Variants in CDH12 observed in about 807,000 individuals in gnomAD.
CDH12 encodes cadherin 12.
In CDH12, 41 loss-of-function variants were observed where a neutral mutation model predicts 74.1. The observed-to-expected ratio is 0.55, with a 90% CI of 0.43 to 0.72. CDH12 has a LOEUF of 0.72. Among genes scored for constraint, CDH12 ranks in the 30% least tolerant of loss-of-function variants. The pLI is 0.00. For missense variants in CDH12, 945 were observed against 977.2 expected (o/e 0.97, Z 0.44); for synonymous variants, 399 against 355.0 (o/e 1.12, Z -1.39).
At chr5:22,647,874 A>C (rs924422152) in intron 1 of CDH12, among the ~76,000 whole-genome samples, 3 of 151,902 alleles carry the variant, frequency 2.0e-5, no homozygotes, top group Non-Finnish European at 4.4e-5. Flanking sequence ...ATTTCCATGG[A>C]AAGTATCAAT....
At chr5:22,008,493 T>G (rs1737097086) in intron 5 of CDH12, among the ~76,000 whole-genome samples, 1 of 152,148 alleles carries the variant, frequency 6.6e-6, no homozygotes. Context: ...CCTCCCAAAG[T>G]GCTGGGATTA....
intron 3 of CDH12, among the ~76,000 whole-genome samples, chr5:22,254,028 A>G (rs1753224145): frequency 6.6e-6 from 1 of 151,892 alleles, no homozygotes; most frequent in Non-Finnish European, 1.5e-5. Context: ...TTTGAAAGAA[A>G]TTTGAGCTGG....
At chr5:22,416,776 T>C (rs1015354685) in intron 2 of CDH12, among the ~76,000 whole-genome samples, 2 of 152,214 alleles carry the variant, frequency 1.3e-5, no homozygotes, top group African/African-American at 2.4e-5. Flanking sequence ...ATAAGAAATT[T>C]GCAATGTTTT....
intron 2 of CDH12, among the ~76,000 whole-genome samples, chr5:22,463,000 C>T (rs762208749): frequency 2.0e-5 from 3 of 152,086 alleles, no homozygotes; most frequent in Non-Finnish European, 2.9e-5. Flanking sequence ...AAGGAGAAAA[C>T]ACCTATGGTT....
intron 4 of CDH12, among the ~76,000 whole-genome samples, chr5:22,098,671 G>T (rs140752875): frequency 1.3e-5 from 2 of 152,030 alleles, no homozygotes; most frequent in East Asian, 1.9e-4. Flanking sequence ...AATTACAATT[G>T]TTCCTGGCCC....
At chr5:22,852,141 C>G (rs1419017038) in intron 1 of CDH12, among the ~76,000 whole-genome samples, 1 of 152,026 alleles carries the variant, frequency 6.6e-6, no homozygotes, top group Non-Finnish European at 1.5e-5. Context: ...TCAAAATACT[C>G]GATGAGAAAT....
rs780281106 is a variant in CDH12 at position 21,975,146 on chromosome 5, C to A, written c.471G>T (p.Glu157Asp). 1.3e-6 allele frequency: 2 copies of A among 1,597,230 alleles called. No individual in the cohort carries two copies. ...IIKVQDINDN[E>D]PKFLDGPYVA... ...CATAAGGTCCATCCAAAAACTTTGG[C>A]TCATTATCATTAATATCCTGCACTT... The change falls in exon 6 of 15, where the codon GAG (glutamate) becomes GAT (aspartate). Residue 157 changes from glutamate to aspartate, a missense_variant. Glu to Asp is a conservative substitution (Grantham distance 45). Coordinates refer to ENST00000382254, the MANE Select transcript of CDH12 (RefSeq NM_004061.5).
chr5:21,840,891 A>T (rs975725825), intron 8 of CDH12, among the ~76,000 whole-genome samples: 3 of 152,172 alleles, frequency 2.0e-5, no homozygotes, highest in African/African-American at 7.2e-5. Flanking sequence ...TTAGACCTAA[A>T]ACCATAAAAA....
At chr5:22,784,673 T>C (rs939808155) in intron 1 of CDH12, among the ~76,000 whole-genome samples, 2 of 152,192 alleles carry the variant, frequency 1.3e-5, no homozygotes, top group African/African-American at 4.8e-5. Context: ...CTAGACCCAA[T>C]ACAGCCTGGT....
intron 1 of CDH12, among the ~76,000 whole-genome samples, chr5:22,822,017 C>T (rs1259015188): frequency 2.6e-5 from 4 of 152,162 alleles, no homozygotes; most frequent in Non-Finnish European, 5.9e-5. Context: ...CAGTGTGGTA[C>T]TGGTACCAAA....
intron 1 of CDH12, among the ~76,000 whole-genome samples, chr5:22,673,911 G>GA (rs1212685563): frequency 6.6e-6 from 1 of 152,076 alleles, no homozygotes; most frequent in Non-Finnish European, 1.5e-5. Flanking sequence ...AAAAAATAAA[G>GA]AAAAATCTAA....
At chr5:22,347,529 C>T (rs1740170004) in intron 3 of CDH12, among the ~76,000 whole-genome samples, 1 of 152,182 alleles carries the variant, frequency 6.6e-6, no homozygotes, top group Admixed American at 6.5e-5. Flanking sequence ...GCCTGGCTTC[C>T]TTGCTCCTCA....
At chr5:22,669,665 A>G (rs77813178) in intron 1 of CDH12, among the ~76,000 whole-genome samples, 17,917 of 152,228 alleles carry the variant, frequency 0.12, 1,382 homozygotes, top group Admixed American at 0.2. Context: ...ATATATGGCA[A>G]TGAAGATTTC....
At chr5:22,607,574 A>G (rs573010938) in intron 1 of CDH12, among the ~76,000 whole-genome samples, 1 of 152,208 alleles carries the variant, frequency 6.6e-6, no homozygotes, top group Non-Finnish European at 1.5e-5. Flanking sequence ...CCATGATTCA[A>G]TTACCTCCCC....
chr5:22,801,031 A>C (rs1169149454), intron 1 of CDH12, among the ~76,000 whole-genome samples: 2 of 152,178 alleles, frequency 1.3e-5, no homozygotes, highest in Non-Finnish European at 2.9e-5. Context: ...TTCTGTGAAC[A>C]TAAGCTTTCA....
At chr5:22,728,721 A>C (rs1049724049) in intron 1 of CDH12, among the ~76,000 whole-genome samples, 2 of 151,846 alleles carry the variant, frequency 1.3e-5, no homozygotes, top group Admixed American at 1.3e-4. Flanking sequence ...CCTAATTTGC[A>C]TATGGCTGTC....
chr5:22,063,374 C>T (rs188216282), intron 5 of CDH12, among the ~76,000 whole-genome samples: 68 of 152,098 alleles, frequency 4.5e-4, no homozygotes, highest in Non-Finnish European at 8.2e-4. Flanking sequence ...TTGTAAGCAC[C>T]CTTCTCTCTT....
At chr5:22,102,662 CAATA>C (rs59315895) in intron 4 of CDH12, among the ~76,000 whole-genome samples, 14,546 of 148,554 alleles carry the variant, frequency 0.098, 1,073 homozygotes, top group African/African-American at 0.21. Context: ...ACTCCGTCTC[CAATA>C]AATAAATAAA....
At position 22,473,095 on chromosome 5, in the gene CDH12, A is replaced by G. The variant is rs188453146; in HGVS notation, c.-428+32175T>C. ...ATGGCTAATGAGCTTTGGGCATTCC[A>G]TGATTACTCCCACATCTGTGCCTTT... On this transcript the variant is annotated intron_variant, in intron 2 of 14. Transcript: ENST00000382254. Among the ~76,000 whole-genome samples the G allele has an allele frequency of 6.6e-4, 100 of 152,196 alleles. No homozygotes were observed. The East Asian group carries it at 0.016, about 24-fold the overall frequency.
Sources: gnomAD v4.1 joint callset for allele counts (sites outside exome capture counted in the v4.1 genomes callset) on GRCh38, gnomAD v4.1.1 for gene constraint, MANE v1.5 for transcripts, NCBI Gene and HGNC (gene_info 2026-07-23, HGNC 2026-07-21) for gene names.